Variants in ABTB2 observed in about 807,000 individuals in gnomAD.
ABTB2 encodes ankyrin repeat and BTB/POZ domain-containing protein 2.
A neutral mutation model predicts 104.1 loss-of-function variants in ABTB2; 56 were observed. The observed-to-expected ratio is 0.54, with a 90% CI of 0.43 to 0.67. The LOEUF (loss-of-function observed/expected upper bound fraction) is 0.67. Among genes scored for constraint, ABTB2 ranks in the 30% least tolerant of loss-of-function variants. The pLI is 0.00. For synonymous variants in ABTB2, 606 were observed against 608.2 expected, an observed-to-expected ratio of 1.00 and a Z score of 0.05; for missense variants, 1,279 against 1,407.7, an observed-to-expected ratio of 0.91 and a Z score of 1.46.
chr11:34,343,280 T>TAGGA (rs1163347885), intron 1 of ABTB2, among the ~76,000 whole-genome samples: 2 of 152,164 alleles, frequency 1.3e-5, no homozygotes, highest in Non-Finnish European at 2.9e-5. Context: ...GTCACCATCC[T>TAGGA]AGGTGGGGCG....
intron 1 of ABTB2, among the ~76,000 whole-genome samples, chr11:34,346,242 A>G (rs1270349964): frequency 6.6e-6 from 1 of 152,086 alleles, no homozygotes; most frequent in Non-Finnish European, 1.5e-5. Flanking sequence ...TCTCTGTCCC[A>G]CATCGTATAA....
intron 1 of ABTB2, among the ~76,000 whole-genome samples, chr11:34,240,967 A>G (rs1853909099): frequency 6.6e-6 from 1 of 151,786 alleles, no homozygotes; most frequent in African/African-American, 2.4e-5. Context: ...CTCACACCTG[A>G]GAGAAGGGCT....
rs1051718696 is a variant in ABTB2, at chr11:34,307,263, C to G, written c.883+49438G>C. On this transcript the variant is annotated intron_variant, in intron 1 of 16. Coordinates refer to ENST00000435224, the MANE Select transcript of ABTB2 (RefSeq NM_145804.3). ...CTGAAGGTAACAGGTTGCTAGGTCA[C>G]AAAAAGGAGGAGTCCAGCACAATTA... Among the ~76,000 whole-genome samples the G allele has an allele frequency of 4.6e-5, 7 of 152,116 alleles. No homozygotes were observed. The East Asian group carries it at 1.2e-3, about 25-fold the overall frequency.
intron 5 of ABTB2, among the ~76,000 whole-genome samples, chr11:34,170,174 G>A (rs1299104627): frequency 2.0e-5 from 3 of 152,152 alleles, no homozygotes; most frequent in Non-Finnish European, 2.9e-5. Context: ...CTAGTGGTGT[G>A]ACCTTAGGTA....
intron 1 of ABTB2, among the ~76,000 whole-genome samples, chr11:34,299,461 C>T (rs531882604): frequency 2.3e-4 from 35 of 152,134 alleles, no homozygotes; most frequent in Non-Finnish European, 3.8e-4. Context: ...TTTGGAAAGC[C>T]ACGGTAGTAT....
chr11:34,217,368 T>C (rs1331879856), intron 1 of ABTB2, among the ~76,000 whole-genome samples: 2 of 152,244 alleles, frequency 1.3e-5, no homozygotes, highest in East Asian at 1.9e-4. Flanking sequence ...CATTCACATA[T>C]TGAAGGACAT....
At chr11:34,312,554 T>C (rs1207083692) in intron 1 of ABTB2, among the ~76,000 whole-genome samples, 2 of 152,236 alleles carry the variant, frequency 1.3e-5, no homozygotes, top group Non-Finnish European at 2.9e-5. Flanking sequence ...CAGCGCTTTA[T>C]TATTTCTGAA....
At chr11:34,303,647 T>C (rs1854736543) in intron 1 of ABTB2, among the ~76,000 whole-genome samples, 1 of 143,214 alleles carries the variant, frequency 7.0e-6, no homozygotes, top group East Asian at 2.0e-4. Flanking sequence ...TTTTTTTTTT[T>C]TTTTTTTTTT....
chr11:34,295,289 G>C (rs1298480873), intron 1 of ABTB2, among the ~76,000 whole-genome samples: 2 of 152,164 alleles, frequency 1.3e-5, no homozygotes, highest in African/African-American at 4.8e-5. Flanking sequence ...TCTTACACAG[G>C]CTAGAGGTCG....
At chr11:34,300,576 G>C (rs568997786) in intron 1 of ABTB2, among the ~76,000 whole-genome samples, 2 of 152,116 alleles carry the variant, frequency 1.3e-5, no homozygotes, top group African/African-American at 4.8e-5. Flanking sequence ...AGTTAGGCTG[G>C]GCAATACTAC....
At chr11:34,347,162 A>G (rs1334009030) in intron 1 of ABTB2, among the ~76,000 whole-genome samples, 2 of 152,176 alleles carry the variant, frequency 1.3e-5, no homozygotes, top group Non-Finnish European at 1.5e-5. Flanking sequence ...TGGGCCGGGC[A>G]TGGTGGCTCA....
At chr11:34,171,241 T>A (rs1852870400) in intron 4 of ABTB2, among the ~76,000 whole-genome samples, 170 bp from the exon 5 acceptor site, 1 of 152,222 alleles carries the variant, frequency 6.6e-6, no homozygotes, top group Non-Finnish European at 1.5e-5. Context: ...TTCTGTCATA[T>A]GAAGAGCACA....
At chr11:34,318,561 C>G (rs984563804) in intron 1 of ABTB2, among the ~76,000 whole-genome samples, 2 of 152,226 alleles carry the variant, frequency 1.3e-5, no homozygotes, top group East Asian at 3.9e-4. Context: ...TCAGTTGGCT[C>G]GTGGCAGGGC....
chr11:34,310,448 C>T (rs772355607), intron 1 of ABTB2, among the ~76,000 whole-genome samples: 3 of 152,158 alleles, frequency 2.0e-5, no homozygotes, highest in East Asian at 1.9e-4. Flanking sequence ...GCCACCCTCA[C>T]GTCCCCAAGC....
chr11:34,152,325 C>A lies in ABTB2; in HGVS notation c.*62G>T. Reference sequence around the variant, plus strand: ...GCTCCAAGAGGGCCTACAACCATACCCCGACATGGTGGGCCCTGGCACCTC... The same window carrying A: ...GCTCCAAGAGGGCCTACAACCATACACCGACATGGTGGGCCCTGGCACCTC... On this transcript the variant is annotated 3_prime_UTR_variant, in exon 17 of 17. Coordinates refer to ENST00000435224, the MANE Select transcript of ABTB2 (RefSeq NM_145804.3). 6.6e-7 allele frequency: 1 copy of A among 1,506,680 alleles called. No individual in the cohort carries two copies. The allele number at this position is 1,506,680 out of a possible 1,614,324, so 93.3% of individuals were successfully genotyped here.
chr11:34,345,841 C>T (rs1178199435), intron 1 of ABTB2, among the ~76,000 whole-genome samples: 3 of 152,200 alleles, frequency 2.0e-5, no homozygotes, highest in African/African-American at 4.8e-5. Flanking sequence ...CAACCAGGTC[C>T]CTGGCTTTCA....
chr11:34,351,219 G>C (rs899703106), intron 1 of ABTB2, among the ~76,000 whole-genome samples: 1 of 152,230 alleles, frequency 6.6e-6, no homozygotes, highest in African/African-American at 2.4e-5. Flanking sequence ...TCAGTCCTCA[G>C]ACTGGAGGCA....
At chr11:34,281,045 G>A (rs184539140) in intron 1 of ABTB2, among the ~76,000 whole-genome samples, 1 of 152,260 alleles carries the variant, frequency 6.6e-6, no homozygotes, top group East Asian at 1.9e-4. Flanking sequence ...GCCTTAAATG[G>A]GGGAGCCCAG....
chr11:34,316,608 A>G (rs932920920), intron 1 of ABTB2, among the ~76,000 whole-genome samples: 3 of 152,194 alleles, frequency 2.0e-5, no homozygotes, highest in African/African-American at 7.2e-5. Flanking sequence ...AGCAGTGAAA[A>G]TACCAAGGCC....
Sources: allele counts gnomAD v4.1 joint callset (sites outside exome capture counted in the v4.1 genomes callset), GRCh38; gene constraint gnomAD v4.1.1; transcripts MANE v1.5; gene names NCBI Gene and HGNC (gene_info 2026-07-23, HGNC 2026-07-21).